The following MAP2K5 variants were observed in gnomAD, a reference collection of about 807,000 sequenced individuals.
MAP2K5 encodes the protein dual specificity mitogen-activated protein kinase kinase 5.
In MAP2K5, 49 loss-of-function variants were observed where a neutral mutation model predicts 83.1. The ratio of observed to expected loss-of-function variants is 0.59; its 90% CI spans 0.47 to 0.75. The LOEUF is 0.75. MAP2K5 is among the 30% of genes least tolerant of loss of function. The pLI is 0.00. For synonymous variants in MAP2K5, 202 were observed against 191.8 expected, an observed-to-expected ratio of 1.05 and a Z score of -0.44; for missense variants, 457 against 557.5, an observed-to-expected ratio of 0.82 and a Z score of 1.82.
At chr15:67,692,660 C>A in intron 14 of MAP2K5, 108 bp downstream of exon 14, 1 of 781,316 alleles carries the variant, frequency 1.3e-6, no homozygotes, top group Non-Finnish European at 2.1e-6. Context: ...CAAACAGAAA[C>A]TCTGCATCTT....
At chr15:67,711,983 G>A (rs1177962474) in intron 16 of MAP2K5, among the ~76,000 whole-genome samples, 1 of 152,154 alleles carries the variant, frequency 6.6e-6, no homozygotes, top group African/African-American at 2.4e-5. Flanking sequence ...AAACCCAATA[G>A]AAAACAATTG....
In MAP2K5 at chr15:67,775,829, C is replaced by T. The variant is rs1596954696; in HGVS notation, c.1242+3077C>T. On this transcript the variant is annotated intron_variant, in intron 21 of 21. Transcript: ENST00000178640. The surrounding 1 kb of genome is among the most constrained non-coding windows in gnomAD (Gnocchi z 5.3). Reference sequence around the variant, plus strand: ...AGCATGAGTGTATCTCGGTTTCAGACATTTTCAGAGCAATGTGAAGCCTCT... The same window carrying T: ...AGCATGAGTGTATCTCGGTTTCAGATATTTTCAGAGCAATGTGAAGCCTCT... Among the ~76,000 whole-genome samples the T allele has an allele frequency of 6.6e-6, 1 of 152,306 alleles. No individual in the cohort carries two copies. The highest frequency in any genetic ancestry group is 3.4e-3 in the Middle Eastern group (1 of 294).
Position 67,587,323 on chromosome 15 carries a change from G to A in MAP2K5, c.431+410G>A, listed in dbSNP as rs1168125885. Among the ~76,000 whole-genome samples, 1 of 152,174 alleles carries A rather than the reference G, an allele frequency of 6.6e-6. No homozygotes were observed. The highest frequency in any genetic ancestry group is 2.4e-5 in the African/African-American group (1 of 41,432). ...TAAGGAGGTAGACAGGACTTATCAT[G>A]CGGGGCCTCGTAGGCCCTGTAATGT... On this transcript the variant is annotated intron_variant, in intron 6 of 21. Coordinates refer to ENST00000178640, the MANE Select transcript of MAP2K5 (RefSeq NM_145160.3). The surrounding 1 kb of genome is among the most constrained non-coding windows in gnomAD (Gnocchi z 4.8).
chr15:67,660,105 A>T (rs1392288983), intron 12 of MAP2K5, among the ~76,000 whole-genome samples: 2 of 152,128 alleles, frequency 1.3e-5, no homozygotes, highest in East Asian at 3.9e-4. Flanking sequence ...TCCCCCCTAA[A>T]TATGTGTCCA....
intron 13 of MAP2K5, among the ~76,000 whole-genome samples, chr15:67,691,658 G>A (rs530224974): frequency 6.6e-6 from 1 of 152,164 alleles, no homozygotes; most frequent in Non-Finnish European, 1.5e-5. Flanking sequence ...ATCAAAAGTG[G>A]TATGCTCTTG....
intron 16 of MAP2K5, among the ~76,000 whole-genome samples, chr15:67,710,998 C>T (rs2088677642): frequency 6.6e-6 from 1 of 152,318 alleles, no homozygotes; most frequent in East Asian, 1.9e-4. Context: ...CTGATATCTC[C>T]AGCTGAAGGT....
At chr15:67,707,041 G>C (rs144444691) in intron 16 of MAP2K5, among the ~76,000 whole-genome samples, 207 of 152,194 alleles carry the variant, frequency 1.4e-3, no homozygotes, top group African/African-American at 4.8e-3. Flanking sequence ...TCAGCCTCCC[G>C]AGTAGCTGGG....
At chr15:67,696,421 C>T (rs1020450001) in intron 15 of MAP2K5, among the ~76,000 whole-genome samples, 2 of 152,092 alleles carry the variant, frequency 1.3e-5, no homozygotes, top group African/African-American at 4.8e-5. Context: ...AAGTATATGG[C>T]TCATAACATG....
rs1596942976 is a variant in MAP2K5, at chr15:67,769,468, T to A, written c.1135-134T>A. ...AATGTGTGGAATAAGGTAAAGACAGTCTTTTTAATTGGGTGAGGCCTTATT... is the reference window on the plus strand; with the variant it reads ...AATGTGTGGAATAAGGTAAAGACAGACTTTTTAATTGGGTGAGGCCTTATT... On this transcript the variant is annotated intron_variant, in intron 19 of 21. Transcript: ENST00000178640. The surrounding 1 kb of genome is among the most constrained non-coding windows in gnomAD (Gnocchi z 5.2). 1.9e-5 allele frequency: 14 copies of A among 722,794 alleles called. No individual in the cohort carries two copies. The highest frequency in any genetic ancestry group is 1.6e-4 in the East Asian group (6 of 36,606). The allele number at this position is 722,794 out of a possible 1,614,324, so 44.8% of individuals were successfully genotyped here.
intron 21 of MAP2K5, among the ~76,000 whole-genome samples, chr15:67,805,091 C>T (rs550298599): frequency 7.2e-5 from 11 of 152,334 alleles, no homozygotes; most frequent in African/African-American, 2.2e-4. Context: ...CAGCTGGGCT[C>T]CAGGCCTAGC....
At chr15:67,756,334 A>G (rs2089833138) in intron 19 of MAP2K5, among the ~76,000 whole-genome samples, 1 of 152,194 alleles carries the variant, frequency 6.6e-6, no homozygotes. Flanking sequence ...AGATACACAT[A>G]AGTTTTGAAT....
intron 8 of MAP2K5, 21 bp from the exon 9 acceptor site, chr15:67,630,867 T>A (rs183134070): frequency 2.5e-6 from 4 of 1,596,566 alleles, no homozygotes; most frequent in Non-Finnish European, 3.4e-6. Context: ...CAAATGATTT[T>A]GTTTTTTTTT....
At chr15:67,583,044 A>G (rs2140997288) in intron 4 of MAP2K5, among the ~76,000 whole-genome samples, 1 of 152,278 alleles carries the variant, frequency 6.6e-6, no homozygotes, top group South Asian at 2.1e-4. Context: ...TAAGGCATTA[A>G]TATTGCTTTA....
chr15:67,756,958 G>A (rs533020729), intron 19 of MAP2K5, among the ~76,000 whole-genome samples: 50 of 151,942 alleles, frequency 3.3e-4, no homozygotes, highest in African/African-American at 1.1e-3. Context: ...CTGATCCTTG[G>A]GTTGTCTTCC....
intron 1 of MAP2K5, among the ~76,000 whole-genome samples, chr15:67,547,671 G>T (rs754350040): frequency 1.3e-5 from 2 of 151,986 alleles, no homozygotes; most frequent in Non-Finnish European, 2.9e-5. Context: ...TGGCCAGGCT[G>T]GTCTTGAACT....
rs1168434164 is a variant in MAP2K5, at chr15:67,563,231, G to T, written c.185-52G>T. The T allele has an allele frequency of 1.3e-6, 2 of 1,582,932 alleles. No homozygotes were observed. Among genetic ancestry groups the T allele is most frequent in the East Asian group, 4.5e-5 (2 of 44,208 alleles). On this transcript the variant is annotated intron_variant, in intron 2 of 21. Coordinates refer to ENST00000178640, the MANE Select transcript of MAP2K5 (RefSeq NM_145160.3). The surrounding 1 kb of genome is among the most constrained non-coding windows in gnomAD (Gnocchi z 4.5). ...AAACCGTTTATATTATGTTCCCTTT[G>T]TGCATTAAACAAATGCACACCTTAT... is the stretch of plus-strand genomic sequence containing the variant.
chr15:67,628,350 G>A (rs1458842806), intron 8 of MAP2K5: 3 of 523,960 alleles, frequency 5.7e-6, no homozygotes, highest in Non-Finnish European at 6.8e-6. Flanking sequence ...CGTGGTGGCA[G>A]GCACCTGTAA....
At chr15:67,548,970 A>C in intron 1 of MAP2K5, 1 of 1,384,862 alleles carries the variant, frequency 7.2e-7, no homozygotes, top group Non-Finnish European at 9.4e-7. Flanking sequence ...CACTGCAGCA[A>C]AAGCTTCTAA....
chr15:67,702,260 A>T lies in MAP2K5; in HGVS notation c.973-1077A>T, dbSNP rs755447967. On this transcript the variant is annotated intron_variant, in intron 15 of 21. Transcript: ENST00000178640. This position sits in a 1 kb window ranked among gnomAD's most constrained non-coding sequence, Gnocchi z 4.6. ...TTACATGGATGTTTATGAATCTGAA[A>T]TGAGATATGCATGAAAAACACTAAA... Among the ~76,000 whole-genome samples the T allele has an allele frequency of 1.1e-4, 17 of 152,214 alleles. No homozygotes were observed. Among genetic ancestry groups the T allele is most frequent in the Non-Finnish European group, 2.2e-4 (15 of 68,042 alleles).
Sources: allele counts gnomAD v4.1 joint callset (sites outside exome capture counted in the v4.1 genomes callset), GRCh38; gene constraint gnomAD v4.1.1; non-coding constraint Gnocchi (gnomAD v3.1); transcripts MANE v1.5; gene names NCBI Gene and HGNC (gene_info 2026-07-23, HGNC 2026-07-21).